The following KIRREL3 variants were observed in gnomAD, a reference collection of about 807,000 sequenced individuals.
The protein encoded by KIRREL3 is kirre like nephrin family adhesion molecule 3, also known as kin of IRRE-like protein 3.
In KIRREL3, 36 loss-of-function variants were observed where a neutral mutation model predicts 89.7. That is an observed-to-expected ratio of 0.40 (90% CI 0.31 to 0.53). The LOEUF is 0.53. KIRREL3 is among the 20% of genes least tolerant of loss of function. KIRREL3 has a pLI of 0.49. For missense variants in KIRREL3, 864 were observed against 1,056.6 expected (o/e 0.82, Z 2.53); for synonymous variants, 445 against 441.4 (o/e 1.01, Z -0.10).
chr11:126,589,473 A>G (rs896297474), intron 1 of KIRREL3, among the ~76,000 whole-genome samples: 67 of 152,310 alleles, frequency 4.4e-4, no homozygotes, highest in African/African-American at 1.5e-3. Flanking sequence ...GGGCTTGGGA[A>G]ACTGAGAGAG....
intron 1 of KIRREL3, among the ~76,000 whole-genome samples, chr11:126,765,175 G>C (rs977395423): frequency 1.3e-5 from 2 of 152,124 alleles, no homozygotes; most frequent in Admixed American, 1.3e-4. Context: ...CAAATACCCT[G>C]GCCCAACTAT....
chr11:126,567,682 A>G (rs1005248143), intron 1 of KIRREL3, among the ~76,000 whole-genome samples: 1 of 152,212 alleles, frequency 6.6e-6, no homozygotes, highest in Non-Finnish European at 1.5e-5. Flanking sequence ...GTGACAGGAA[A>G]GAGGGAAGGT....
chr11:126,843,051 C>A lies in KIRREL3; in HGVS notation c.55+157404G>T, dbSNP rs768082304. 2.6e-5 allele frequency among the ~76,000 whole-genome samples: 4 copies of A among 152,086 alleles called. No homozygotes were observed. The highest frequency in any genetic ancestry group is 3.4e-3 in the Middle Eastern group (1 of 294). On this transcript the variant is annotated intron_variant, in intron 1 of 16. Transcript: ENST00000525144. This position sits in a 1 kb window ranked among gnomAD's most constrained non-coding sequence, Gnocchi z 4.6. ...TCCCTGGACTCCCTGCCTAACTGAA[C>A]ACAATCCAAAGTCAAACTGAGGGGC...
intron 1 of KIRREL3, among the ~76,000 whole-genome samples, chr11:126,911,350 T>C (rs141551504): frequency 6.6e-6 from 1 of 152,266 alleles, no homozygotes; most frequent in Non-Finnish European, 1.5e-5. Context: ...AAAAACCTAA[T>C]GGAGATTCTG....
intron 1 of KIRREL3, among the ~76,000 whole-genome samples, chr11:126,923,696 G>A (rs964706488): frequency 2.6e-5 from 4 of 151,916 alleles, no homozygotes; most frequent in Admixed American, 6.6e-5. Flanking sequence ...CACCCACCTC[G>A]GCCTCCCAAA....
rs1338182952 is a variant in KIRREL3 at position 126,562,545 on chromosome 11, G to A, written c.133+290C>T. ...TTTAATTGGGCTGGCTGTGGGGTGG[G>A]GTGCGGAAGAAATGGTAGGGAAGAG... On this transcript the variant is annotated intron_variant, in intron 2 of 16. Coordinates refer to ENST00000525144, the MANE Select transcript of KIRREL3 (RefSeq NM_032531.4). This position sits in a 1 kb window ranked among gnomAD's most constrained non-coding sequence, Gnocchi z 4.7. 6.6e-6 allele frequency among the ~76,000 whole-genome samples: 1 copy of A among 152,166 alleles called. No individual in the cohort carries two copies. Among genetic ancestry groups the A allele is most frequent in the Non-Finnish European group, 1.5e-5 (1 of 68,032 alleles).
chr11:126,450,116 G>C (rs1055931527), intron 7 of KIRREL3, among the ~76,000 whole-genome samples: 1 of 150,874 alleles, frequency 6.6e-6, no homozygotes, highest in African/African-American at 2.5e-5. Context: ...TGTGCAGAAA[G>C]CAACGGAGCC....
rs1233920588 is a variant in KIRREL3, at chr11:126,429,860, G to A, written c.1697-572C>T. On this transcript the variant is annotated intron_variant, in intron 14 of 16. Transcript: ENST00000525144. This position sits in a 1 kb window ranked among gnomAD's most constrained non-coding sequence, Gnocchi z 5.2. Reference sequence around the variant, plus strand: ...AGCTCTGTTAGAAAATTCTTGGCTGGGTGCGGTGGCTCACGCCTGTAATCC... The same window carrying A: ...AGCTCTGTTAGAAAATTCTTGGCTGAGTGCGGTGGCTCACGCCTGTAATCC... 6.6e-6 allele frequency among the ~76,000 whole-genome samples: 1 copy of A among 152,156 alleles called. No homozygotes were observed. The highest frequency in any genetic ancestry group is 1.5e-5 in the Non-Finnish European group (1 of 68,040).
chr11:126,862,109 T>C (rs1944725291), intron 1 of KIRREL3, among the ~76,000 whole-genome samples: 1 of 152,278 alleles, frequency 6.6e-6, no homozygotes, highest in South Asian at 2.1e-4. Flanking sequence ...GGGAGGAAAT[T>C]GAAAAGACAT....
chr11:126,972,168 T>TAGAGAGAGAGAGAGAGAGAG (rs61426707), intron 1 of KIRREL3, among the ~76,000 whole-genome samples: 3,665 of 119,570 alleles, frequency 0.031, 275 homozygotes, highest in Non-Finnish European at 0.045. Flanking sequence ...GAGGGTCTGG[T>TAGAGAGAGAGAGAGAGAGAG]AGAGAGAGAG....
chr11:126,752,213 G>C lies in KIRREL3; in HGVS notation c.56-189301C>G, dbSNP rs1299399558. Among the ~76,000 whole-genome samples the C allele has an allele frequency of 3.3e-5, 5 of 152,204 alleles. No homozygotes were observed. The highest frequency in any genetic ancestry group is 3.9e-4 in the East Asian group (2 of 5,176). ...AGGCTCAGCGTGGGTTGGTTGGGGG[G>C]GTTTCTTGAAGCATTGTAGCTCCCA... On this transcript the variant is annotated intron_variant, in intron 1 of 16. Coordinates refer to ENST00000525144, the MANE Select transcript of KIRREL3 (RefSeq NM_032531.4). This position sits in a 1 kb window ranked among gnomAD's most constrained non-coding sequence, Gnocchi z 4.8.
Position 126,923,216 on chromosome 11 carries a change from CTTCT to C in KIRREL3, c.55+77235_55+77238del, listed in dbSNP as rs1565423632. 1.8e-3 allele frequency among the ~76,000 whole-genome samples: 46 copies of C among 25,206 alleles called. 11 individuals are homozygous for C. The highest frequency in any genetic ancestry group is 2.3e-3 in the Admixed American group (6 of 2,630). The allele number at this position is 25,206 out of a possible 152,430, so 16.5% of individuals were successfully genotyped here. A position where few individuals can be genotyped will look rare whatever the true frequency, so the allele number is the denominator to read the frequency against. On this transcript the variant is annotated intron_variant, in intron 1 of 16. Transcript: ENST00000525144. ...TCTTCTTCTTCTTCTTCTTCTTCTT[CTTCT>C]TCTTCTTCTTCTTCTTCTTCTTCTT...
Position 126,531,384 on chromosome 11 carries a change from T to C in KIRREL3, c.134-4697A>G, listed in dbSNP as rs7928146. On this transcript the variant is annotated intron_variant, in intron 2 of 16. Transcript: ENST00000525144. The surrounding 1 kb of genome is among the most constrained non-coding windows in gnomAD (Gnocchi z 4.7). Reference sequence around the variant, plus strand: ...TTTAAGGGGTGGGACCTCTCATGGCTCTCCACTCTCTGCGGGACAACGCCC... The same window carrying C: ...TTTAAGGGGTGGGACCTCTCATGGCCCTCCACTCTCTGCGGGACAACGCCC... Among the ~76,000 whole-genome samples, 3,900 of 152,266 alleles carry C rather than the reference T, an allele frequency of 0.026. 168 individuals are homozygous for C. Among genetic ancestry groups the C allele is most frequent in the African/African-American group, 0.086 (3,581 of 41,518 alleles).
At chr11:126,792,532 G>T (rs899418005) in intron 1 of KIRREL3, among the ~76,000 whole-genome samples, 1 of 152,078 alleles carries the variant, frequency 6.6e-6, no homozygotes, top group Admixed American at 6.6e-5. Flanking sequence ...CTGTCTAATG[G>T]CCCAGCAATT....
Position 126,440,778 on chromosome 11 carries a change from A to C in KIRREL3, c.1253-229T>G, listed in dbSNP as rs1019254307. On this transcript the variant is annotated intron_variant, in intron 10 of 16. Transcript: ENST00000525144. Reference sequence around the variant, plus strand: ...CGAATGCTTCTAAGTCAGAACCCCCAGAAGATACAAATAACTGTAATAAAA... The same window carrying C: ...CGAATGCTTCTAAGTCAGAACCCCCCGAAGATACAAATAACTGTAATAAAA... The C allele has an allele frequency of 8.4e-6, 5 of 595,582 alleles. No homozygotes were observed. The African/African-American group carries it at 9.3e-5, about 11-fold the overall frequency. 36.9% of individuals were successfully genotyped at this position (595,582 alleles called of 1,614,324 possible).
At chr11:126,602,132 T>A (rs897638472) in intron 1 of KIRREL3, among the ~76,000 whole-genome samples, 1 of 152,152 alleles carries the variant, frequency 6.6e-6, no homozygotes, top group African/African-American at 2.4e-5. Flanking sequence ...CCAGGAGCGG[T>A]GGCAAAGAGG....
At chr11:126,618,611 C>A (rs889322457) in intron 1 of KIRREL3, among the ~76,000 whole-genome samples, 1 of 152,104 alleles carries the variant, frequency 6.6e-6, no homozygotes, top group African/African-American at 2.4e-5. Context: ...ATTTTTATGT[C>A]TTTAGTAGAG....
intron 1 of KIRREL3, among the ~76,000 whole-genome samples, chr11:126,581,113 T>C (rs567465): frequency 0.89 from 134,850 of 152,046 alleles, 60,400 homozygotes; most frequent in East Asian, 0.99. Context: ...ATAAAATCAG[T>C]GCCCCAGAAG....
At chr11:126,922,743 A>C (rs535233548) in intron 1 of KIRREL3, among the ~76,000 whole-genome samples, 5 of 151,984 alleles carry the variant, frequency 3.3e-5, no homozygotes, top group South Asian at 2.1e-4. Context: ...CAACAACAAC[A>C]ACCTCCCTTC....
Sources: allele counts gnomAD v4.1 joint callset (sites outside exome capture counted in the v4.1 genomes callset), GRCh38; gene constraint gnomAD v4.1.1; non-coding constraint Gnocchi (gnomAD v3.1); transcripts MANE v1.5; gene names NCBI Gene and HGNC (gene_info 2026-07-23, HGNC 2026-07-21).